The following SOCS5 variants were observed in gnomAD, a reference collection of about 807,000 sequenced individuals.
SOCS5 encodes CIS-6.
A neutral mutation model predicts 42.8 loss-of-function variants in SOCS5; 32 were observed. The observed-to-expected ratio is 0.75, with a 90% confidence interval of 0.56 to 1.01. The LOEUF is 1.01. Ranked by LOEUF, SOCS5 falls within the 50% of genes least tolerant of loss-of-function variation. The pLI, the probability that SOCS5 is intolerant of heterozygous loss-of-function variation, is 0.00. For synonymous variants in SOCS5, 283 were observed against 229.6 expected (o/e 1.23, Z -2.10); for missense variants, 627 against 653.0 (o/e 0.96, Z 0.43).
chr2:46,703,403 A>G (rs1415999258), intron 1 of SOCS5, among the ~76,000 whole-genome samples: 1 of 151,922 alleles, frequency 6.6e-6, no homozygotes, highest in Non-Finnish European at 1.5e-5. Context: ...AGAGTGACCA[A>G]TTTCTAATAT....
At chr2:46,730,439 A>G (rs918678662) in intron 1 of SOCS5, among the ~76,000 whole-genome samples, 2 of 152,082 alleles carry the variant, frequency 1.3e-5, no homozygotes, top group African/African-American at 2.4e-5. Context: ...CGTCTCTACT[A>G]AAAATACAAA....
intron 1 of SOCS5, among the ~76,000 whole-genome samples, chr2:46,735,712 G>A (rs1047591336): frequency 1.3e-5 from 2 of 152,082 alleles, no homozygotes; most frequent in South Asian, 2.1e-4. Flanking sequence ...GAAGAGTACA[G>A]CAAAAATATC....
In SOCS5 at chr2:46,759,888, C is replaced by G. The variant is rs746760173; in HGVS notation, c.1358C>G (p.Thr453Arg). 1 of 1,613,998 alleles carries G rather than the reference C, an allele frequency of 6.2e-7. No homozygotes were observed. Among genetic ancestry groups the G allele is most frequent in the Non-Finnish European group, 8.5e-7 (1 of 1,180,020 alleles). The change falls in exon 2 of 2, where the codon ACG becomes AGG. Residue 453 changes from threonine to arginine, a missense_variant. By Grantham distance (71) the Thr-to-Arg change is moderately conservative. Around this residue, in one of 3 missense-constraint regions of SOCS5, gnomAD observed 340 missense variants for 367.6 expected, o/e 0.92. Coordinates refer to ENST00000394861, the MANE Select transcript of SOCS5 (RefSeq NM_144949.3). ...TGTGTATTTCACTCCTCCACTGTAA[C>G]GGGACTTTTAGAACATTATAAAGAT... ...DPCVFHSSTV[T>R]GLLEHYKDPS...
intron 1 of SOCS5, among the ~76,000 whole-genome samples, chr2:46,735,023 C>T (rs1372332149): frequency 6.6e-6 from 1 of 152,184 alleles, no homozygotes. Context: ...CATAGCTATT[C>T]AGTCATTAAA....
Position 46,760,034 on chromosome 2 carries a change from G to C in SOCS5, c.1504G>C (p.Asp502His). The C allele has an allele frequency of 6.2e-7, 1 of 1,614,124 alleles. No individual in the cohort carries two copies. The highest frequency in any genetic ancestry group is 8.5e-7 in the Non-Finnish European group (1 of 1,179,982). Residue 502 changes from aspartate (D) to histidine (H), a missense_variant, in exon 2 of 2, where the codon GAT (aspartate) becomes CAT (histidine). Around this residue, in one of 3 missense-constraint regions of SOCS5, gnomAD observed 340 missense variants for 367.6 expected, o/e 0.92. Transcript: ENST00000394861. ...ICRCTTYDGI[D>H]GLPLPSMLQD... ...CAGGTGCACTACGTATGATGGAATT[G>C]ATGGGCTCCCTCTACCCTCAATGTT...
chr2:46,723,973 T>C (rs6745858), intron 1 of SOCS5, among the ~76,000 whole-genome samples: 1,872 of 152,170 alleles, frequency 0.012, 32 homozygotes, highest in African/African-American at 0.04. Flanking sequence ...AAAGAAGCTC[T>C]TGTACATGTT....
At chr2:46,709,853 A>G (rs1275493156) in intron 1 of SOCS5, among the ~76,000 whole-genome samples, 1 of 152,246 alleles carries the variant, frequency 6.6e-6, no homozygotes, top group Non-Finnish European at 1.5e-5. Context: ...TACTTAATTT[A>G]CATACTATTT....
intron 1 of SOCS5, among the ~76,000 whole-genome samples, chr2:46,741,049 G>T (rs566387206): frequency 1.3e-5 from 2 of 152,192 alleles, no homozygotes; most frequent in South Asian, 2.1e-4. Context: ...CTGTATTTGC[G>T]ATTCCTTTCT....
chr2:46,700,287 C>T (rs999475509), intron 1 of SOCS5, among the ~76,000 whole-genome samples: 1 of 152,166 alleles, frequency 6.6e-6, no homozygotes, highest in African/African-American at 2.4e-5. Flanking sequence ...GGCTGCTGGA[C>T]TTTGTCAGTT....
chr2:46,715,087 G>A lies in SOCS5; in HGVS notation c.-13+15638G>A, dbSNP rs190200318. ...CTTTGTCAGGCAGTTACCTTTTCAA[G>A]CAATTAAAAGTGACAAAAATACTGT... On this transcript the variant is annotated intron_variant, in intron 1 of 1. Coordinates refer to ENST00000394861, the MANE Select transcript of SOCS5 (RefSeq NM_144949.3). 2.0e-5 allele frequency among the ~76,000 whole-genome samples: 3 copies of A among 152,162 alleles called. No homozygotes were observed. In the East Asian group the frequency reaches 5.8e-4, roughly 29 times the overall value.
chr2:46,749,145 T>C (rs946173006), intron 1 of SOCS5, among the ~76,000 whole-genome samples: 3 of 152,224 alleles, frequency 2.0e-5, no homozygotes, highest in Non-Finnish European at 2.9e-5. Flanking sequence ...TAAAATGTTA[T>C]TTACTTTACT....
chr2:46,740,090 A>G (rs1157800744), intron 1 of SOCS5, among the ~76,000 whole-genome samples: 1 of 152,212 alleles, frequency 6.6e-6, no homozygotes, highest in East Asian at 1.9e-4. Context: ...TTGTTATTAC[A>G]TTTTGTCACT....
chr2:46,743,190 G>A (rs1219112460), intron 1 of SOCS5, among the ~76,000 whole-genome samples: 1 of 152,014 alleles, frequency 6.6e-6, no homozygotes, highest in Non-Finnish European at 1.5e-5. Flanking sequence ...AAGGGGTCCC[G>A]ATCCAGACCC....
chr2:46,745,210 A>G (rs1457996278), intron 1 of SOCS5, among the ~76,000 whole-genome samples: 3 of 152,152 alleles, frequency 2.0e-5, no homozygotes, highest in East Asian at 1.9e-4. Flanking sequence ...CTACCAGTTC[A>G]TCTTTGAGAC....
At chr2:46,731,549 G>A (rs1268981237) in intron 1 of SOCS5, among the ~76,000 whole-genome samples, 2 of 152,198 alleles carry the variant, frequency 1.3e-5, no homozygotes, top group African/African-American at 2.4e-5. Context: ...AAGGACTTAC[G>A]CAAAAATGTG....
At chr2:46,705,432 A>G (rs748424197) in intron 1 of SOCS5, among the ~76,000 whole-genome samples, 4 of 152,190 alleles carry the variant, frequency 2.6e-5, no homozygotes, top group Non-Finnish European at 5.9e-5. Context: ...TTTTCGGTAG[A>G]GAGAAATCCC....
chr2:46,710,823 C>T (rs947848227), intron 1 of SOCS5, among the ~76,000 whole-genome samples: 4 of 152,226 alleles, frequency 2.6e-5, no homozygotes, highest in African/African-American at 9.6e-5. Context: ...AGCCCCTGTG[C>T]TCTCTTCCCA....
intron 1 of SOCS5, among the ~76,000 whole-genome samples, chr2:46,710,499 G>A (rs929232063): frequency 6.6e-6 from 1 of 152,082 alleles, no homozygotes; most frequent in Non-Finnish European, 1.5e-5. Flanking sequence ...GAAATACACA[G>A]ATATTAAGTG....
intron 1 of SOCS5, among the ~76,000 whole-genome samples, chr2:46,725,975 C>T (rs575579899): frequency 6.6e-6 from 1 of 152,038 alleles, no homozygotes; most frequent in Non-Finnish European, 1.5e-5. Context: ...AATTACTATT[C>T]CCCTATAAGT....
Sources: gnomAD v4.1 joint callset for allele counts (sites outside exome capture counted in the v4.1 genomes callset) on GRCh38, gnomAD v4.1.1 for gene constraint, gnomAD v4.1.1 regional missense constraint, MANE v1.5 for transcripts, NCBI Gene and HGNC (gene_info 2026-07-23, HGNC 2026-07-21) for gene names.